The following ATP8A1 variants were observed in gnomAD, a reference collection of about 807,000 sequenced individuals.
ATP8A1 encodes phospholipid-transporting ATPase IA.
Under a neutral mutation model 177.7 loss-of-function variants are expected in ATP8A1, and 90 were observed. That is an observed-to-expected ratio of 0.51 (90% CI 0.43 to 0.60). ATP8A1 has a LOEUF of 0.60. Among genes scored for constraint, ATP8A1 ranks in the 20% least tolerant of loss-of-function variants. ATP8A1 has a pLI of 0.00. For missense variants in ATP8A1, 1,072 were observed against 1,392.8 expected, an observed-to-expected ratio of 0.77 and a Z score of 3.67; for synonymous variants, 493 against 485.9, an observed-to-expected ratio of 1.01 and a Z score of -0.19.
intron 4 of ATP8A1, among the ~76,000 whole-genome samples, chr4:42,620,505 T>C (rs369225471): frequency 1.1e-3 from 166 of 152,326 alleles, no homozygotes; most frequent in African/African-American, 3.6e-3. Context: ...GATGGAGTAC[T>C]AGAAACCATA....
Position 42,555,147 on chromosome 4 carries a change from TATCTATCTATC to T in ATP8A1, c.1413+810_1413+820del, listed in dbSNP as rs879642811. Among the ~76,000 whole-genome samples the T allele has an allele frequency of 1.1e-3, 83 of 74,526 alleles. 1 individual carries two copies. The highest frequency in any genetic ancestry group is 1.4e-3 in the Non-Finnish European group (48 of 34,750). The allele number at this position is 74,526 out of a possible 152,430, so 48.9% of individuals were successfully genotyped here. ...TATCTATCTATCTATCTAATCTATC[TATCTATCTATC>T]TATCTATCTATCTATCTATCTATCT... On this transcript the variant is annotated intron_variant, in intron 16 of 36. Transcript: ENST00000381668.
intron 1 of ATP8A1, among the ~76,000 whole-genome samples, chr4:42,635,754 TAC>T (rs375888383): frequency 0.069 from 5,639 of 81,448 alleles, 718 homozygotes; most frequent in African/African-American, 0.19. Flanking sequence ...TACATATATA[TAC>T]ACACACACAC....
At chr4:42,435,460 A>AAAC (rs1553871721) in intron 33 of ATP8A1, among the ~76,000 whole-genome samples, 1 of 108,214 alleles carries the variant, frequency 9.2e-6, no homozygotes, top group African/African-American at 3.0e-5. Flanking sequence ...CAAAAAAAAA[A>AAAC]AAACAAACTA....
chr4:42,448,396 C>CTTTACCTTTTTTTTTT (rs778022629), intron 30 of ATP8A1, among the ~76,000 whole-genome samples: 1 of 84,132 alleles, frequency 1.2e-5, no homozygotes, highest in African/African-American at 4.0e-5. Flanking sequence ...CCTTCTCTTT[C>CTTTACCTTTTTTTTTT]TTTTCTTTTT....
chr4:42,509,882 T>G (rs1011909764), intron 22 of ATP8A1, among the ~76,000 whole-genome samples: 11 of 151,998 alleles, frequency 7.2e-5, no homozygotes, highest in Non-Finnish European at 1.0e-4. Context: ...AAGTTATTGT[T>G]TCTTTTAAGC....
chr4:42,536,439 C>T (rs927183139), intron 20 of ATP8A1, among the ~76,000 whole-genome samples: 22 of 152,088 alleles, frequency 1.4e-4, no homozygotes, highest in Non-Finnish European at 2.9e-4. Context: ...AGATCAGCAG[C>T]AAGACTGAAA....
At position 42,585,475 on chromosome 4, in the gene ATP8A1, C is replaced by A. The variant is rs958800865; in HGVS notation, c.722+874G>T. 2.0e-5 allele frequency among the ~76,000 whole-genome samples: 3 copies of A among 146,710 alleles called. No individual in the cohort carries two copies. The East Asian group carries it at 5.9e-4, about 29-fold the overall frequency. ...GGGGACTTTGGGAATGGAATTCATG[C>A]CCTTACAAAAGAGGTCCGAGAGCCT... is the stretch of plus-strand genomic sequence containing the variant. On this transcript the variant is annotated intron_variant, in intron 9 of 36. Transcript: ENST00000381668.
intron 25 of ATP8A1, among the ~76,000 whole-genome samples, chr4:42,475,542 G>A (rs1720961354): frequency 6.7e-6 from 1 of 149,204 alleles, no homozygotes. Context: ...CGGTCAGAGA[G>A]AAATCTTTAT....
chr4:42,600,434 C>T, intron 6 of ATP8A1, 44 bp downstream of exon 6: 2 of 1,549,266 alleles, frequency 1.3e-6, no homozygotes, highest in Non-Finnish European at 1.8e-6. Flanking sequence ...GAGTACACCG[C>T]TATGTATTTC....
intron 27 of ATP8A1, among the ~76,000 whole-genome samples, chr4:42,463,512 G>A (rs1245290389): frequency 1.3e-5 from 2 of 152,122 alleles, no homozygotes; most frequent in Admixed American, 1.3e-4. Flanking sequence ...AAATTGCCCA[G>A]CCTTGGGTAT....
intron 12 of ATP8A1, among the ~76,000 whole-genome samples, chr4:42,576,692 A>G (rs1193774939): frequency 1.3e-5 from 2 of 152,080 alleles, no homozygotes; most frequent in African/African-American, 2.4e-5. Context: ...CCATGTCTGT[A>G]TTCTGAACTG....
At chr4:42,622,857 A>C (rs1737624615) in intron 4 of ATP8A1, among the ~76,000 whole-genome samples, 1 of 152,124 alleles carries the variant, frequency 6.6e-6, no homozygotes, top group Non-Finnish European at 1.5e-5. Flanking sequence ...TAATAATACA[A>C]AATTAGCTGG....
chr4:42,453,554 C>T (rs1718160109), intron 29 of ATP8A1, among the ~76,000 whole-genome samples: 1 of 152,196 alleles, frequency 6.6e-6, no homozygotes, highest in South Asian at 2.1e-4. Flanking sequence ...GATGCTCCCA[C>T]ATTAAAACAA....
chr4:42,496,541 A>T (rs1723288326), intron 24 of ATP8A1, among the ~76,000 whole-genome samples: 1 of 152,212 alleles, frequency 6.6e-6, no homozygotes, highest in Non-Finnish European at 1.5e-5. Flanking sequence ...TAAGCAAATT[A>T]CAAATCAACA....
intron 12 of ATP8A1, among the ~76,000 whole-genome samples, chr4:42,576,155 T>C (rs1732422152): frequency 6.6e-6 from 1 of 152,124 alleles, no homozygotes; most frequent in South Asian, 2.1e-4. Flanking sequence ...CTGGTTTTAC[T>C]TTCTGGGCCA....
At chr4:42,480,561 A>G (rs1419564941) in intron 25 of ATP8A1, among the ~76,000 whole-genome samples, 14 of 152,220 alleles carry the variant, frequency 9.2e-5, no homozygotes, top group African/African-American at 2.7e-4. Flanking sequence ...TTTGTGCTTT[A>G]TGACTACTTT....
At chr4:42,514,418 G>C (rs1725317091) in intron 22 of ATP8A1, among the ~76,000 whole-genome samples, 1 of 152,196 alleles carries the variant, frequency 6.6e-6, no homozygotes, top group Admixed American at 6.5e-5. Context: ...TGTGATTAGA[G>C]ATCTAAGGAA....
At chr4:42,547,990 T>G (rs1380097567) in intron 19 of ATP8A1, among the ~76,000 whole-genome samples, 1 of 152,212 alleles carries the variant, frequency 6.6e-6, no homozygotes, top group East Asian at 1.9e-4. Context: ...TTAAAGACCC[T>G]GCAGCAAGGG....
intron 33 of ATP8A1, among the ~76,000 whole-genome samples, chr4:42,426,419 C>G (rs1714625999): frequency 1.3e-5 from 2 of 152,102 alleles, no homozygotes; most frequent in Non-Finnish European, 2.9e-5. Context: ...AACAGAAGGC[C>G]CTTTGCAGAA....
Sources: gnomAD v4.1 joint callset for allele counts (sites outside exome capture counted in the v4.1 genomes callset) on GRCh38, gnomAD v4.1.1 for gene constraint, MANE v1.5 for transcripts, NCBI Gene and HGNC (gene_info 2026-07-23, HGNC 2026-07-21) for gene names.